Variants in UNC5B observed in about 807,000 individuals in gnomAD.
The protein encoded by UNC5B is netrin receptor UNC5B.
Under a neutral mutation model 103.7 loss-of-function variants are expected in UNC5B, and 56 were observed. The observed-to-expected ratio is 0.54, with a 90% CI of 0.44 to 0.67. The LOEUF is 0.67. Among genes scored for constraint, UNC5B ranks in the 30% least tolerant of loss-of-function variants. The pLI, the probability that UNC5B is intolerant of heterozygous loss-of-function variation, is 0.00. For synonymous variants in UNC5B, 577 were observed against 542.0 expected, an observed-to-expected ratio of 1.06 and a Z score of -0.90; for missense variants, 1,194 against 1,284.5, an observed-to-expected ratio of 0.93 and a Z score of 1.08.
Position 71,291,755 on chromosome 10 carries a change from G to A in UNC5B, c.1618G>A (p.Asp540Asn). The A allele has an allele frequency of 6.2e-7, 1 of 1,610,278 alleles. No individual in the cohort carries two copies. The part of the protein sequence containing the change: ...GSQQLLGLPR[D>N]PGSSVSGTFG... Reference sequence around the variant, plus strand: ...CCAGCAGCTCTTGGGCCTGCCCCGAGACCCAGGGAGCAGCGTCAGCGGCAC... The same window carrying A: ...CCAGCAGCTCTTGGGCCTGCCCCGAAACCCAGGGAGCAGCGTCAGCGGCAC... Residue 540 changes from aspartate (D) to asparagine (N), a missense_variant, in exon 10 of 17, where the codon GAC becomes AAC. Coordinates refer to ENST00000335350, the MANE Select transcript of UNC5B (RefSeq NM_170744.5).
chr10:71,302,201 C>G lies in UNC5B; in HGVS notation c.*2924C>G, dbSNP rs1336900992. ...CCGAGGGCATGTACCTGGTGGGAAGCAGCTCAGGTACCCTTGGGGGTTGCA... is the reference window on the plus strand; with the variant it reads ...CCGAGGGCATGTACCTGGTGGGAAGGAGCTCAGGTACCCTTGGGGGTTGCA... On this transcript the variant is annotated 3_prime_UTR_variant, in exon 17 of 17. Coordinates refer to ENST00000335350, the MANE Select transcript of UNC5B (RefSeq NM_170744.5). The G allele has an allele frequency of 6.6e-6, 1 of 152,266 alleles. No individual in the cohort carries two copies. Among genetic ancestry groups the G allele is most frequent in the Non-Finnish European group, 1.5e-5 (1 of 68,086 alleles). 9.4% of individuals were successfully genotyped at this position (152,266 alleles called of 1,614,324 possible).
At chr10:71,259,338 G>A (rs866358143) in intron 1 of UNC5B, among the ~76,000 whole-genome samples, 1 of 147,818 alleles carries the variant, frequency 6.8e-6, no homozygotes, top group Non-Finnish European at 1.5e-5. Flanking sequence ...GTAGTGAGCC[G>A]ATATGCCACT....
chr10:71,223,935 G>T (rs1020142827), intron 1 of UNC5B, among the ~76,000 whole-genome samples: 1 of 152,210 alleles, frequency 6.6e-6, no homozygotes, highest in Non-Finnish European at 1.5e-5. Context: ...GCTGGGCTTG[G>T]TGCAGGAGAG....
At chr10:71,269,368 C>T (rs553516569) in intron 1 of UNC5B, among the ~76,000 whole-genome samples, 16 of 120,368 alleles carry the variant, frequency 1.3e-4, no homozygotes, top group African/African-American at 3.6e-4. Context: ...TTCTCCTTTC[C>T]TGGGAGTCTG....
Position 71,285,403 on chromosome 10 carries a change from C to T in UNC5B, c.526C>T (p.Pro176Ser), listed in dbSNP as rs1845047763. ...CCATGAGGTTCTCCTGCAGTGCCGCCCGCCGGAGGGGGTGCCTGTGGCCGA... is the reference window on the plus strand; with the variant it reads ...CCATGAGGTTCTCCTGCAGTGCCGCTCGCCGGAGGGGGTGCCTGTGGCCGA... The part of the protein sequence containing the change: ...LDHEVLLQCR[P>S]PEGVPVAEVE... Residue 176 changes from proline (P) to serine (S), a missense_variant, in exon 4 of 17, where the codon CCG becomes TCG. By Grantham distance (74) the Pro-to-Ser change is moderately conservative. Coordinates refer to ENST00000335350, the MANE Select transcript of UNC5B (RefSeq NM_170744.5). The T allele has an allele frequency of 1.9e-6, 3 of 1,605,648 alleles. No individual in the cohort carries two copies. Among genetic ancestry groups the T allele is most frequent in the Non-Finnish European group, 2.5e-6 (3 of 1,177,118 alleles).
At chr10:71,238,685 C>T (rs1451301575) in intron 1 of UNC5B, among the ~76,000 whole-genome samples, 1 of 152,110 alleles carries the variant, frequency 6.6e-6, no homozygotes, top group Non-Finnish European at 1.5e-5. Flanking sequence ...GAACTCCTGA[C>T]CTCAGGTGAT....
In UNC5B at chr10:71,302,618, G is replaced by C. The variant is rs1337636669; in HGVS notation, c.*3341G>C. ...TCCCCAGCTCCTAGGCAGCTGAGCC[G>C]GGTCCCTTAGGGGAGGTGACCAGGA... is the stretch of plus-strand genomic sequence containing the variant. On this transcript the variant is annotated 3_prime_UTR_variant, in exon 17 of 17. Coordinates refer to ENST00000335350, the MANE Select transcript of UNC5B (RefSeq NM_170744.5). 2 of 152,034 alleles carry C rather than the reference G, an allele frequency of 1.3e-5. No homozygotes were observed. The highest frequency in any genetic ancestry group is 4.8e-5 in the African/African-American group (2 of 41,388). The allele number at this position is 152,034 out of a possible 1,614,324, so 9.4% of individuals were successfully genotyped here. A position where few individuals can be genotyped will look rare whatever the true frequency, so the allele number is the denominator to read the frequency against.
intron 13 of UNC5B, 74 bp from the exon 14 acceptor site, chr10:71,295,737 C>T (rs1845390584): frequency 6.4e-7 from 1 of 1,554,072 alleles, no homozygotes; most frequent in Admixed American, 1.9e-5. Context: ...TGCCCCCTGC[C>T]CCGCACAGTG....
rs117418233 is a variant in UNC5B at position 71,266,602 on chromosome 10, C to A, written c.80-13219C>A. ...TTCCCTCCTTCTAGCTTGCATCAGC[C>A]TTTTGCAGCTCTGTGTCATCACAGA... is the stretch of plus-strand genomic sequence containing the variant. On this transcript the variant is annotated intron_variant, in intron 1 of 16. Coordinates refer to ENST00000335350, the MANE Select transcript of UNC5B (RefSeq NM_170744.5). 6.1e-3 allele frequency among the ~76,000 whole-genome samples: 936 copies of A among 152,328 alleles called. 4 individuals are homozygous for A. The highest frequency in any genetic ancestry group is 0.014 in the Middle Eastern group (4 of 294).
chr10:71,294,026 G>A (rs1448550039), intron 13 of UNC5B, 93 bp downstream of exon 13: 2 of 1,182,580 alleles, frequency 1.7e-6, no homozygotes, highest in African/African-American at 3.1e-5. Flanking sequence ...GGTCCTCCCA[G>A]GAACCCCTCC....
At chr10:71,260,008 C>G (rs544599403) in intron 1 of UNC5B, among the ~76,000 whole-genome samples, 1 of 152,162 alleles carries the variant, frequency 6.6e-6, no homozygotes, top group Non-Finnish European at 1.5e-5. Flanking sequence ...AGGGGACAAA[C>G]AAGCCAACTG....
intron 1 of UNC5B, among the ~76,000 whole-genome samples, chr10:71,268,824 T>C (rs1480159834): frequency 6.6e-6 from 1 of 152,178 alleles, no homozygotes; most frequent in African/African-American, 2.4e-5. Flanking sequence ...CCAAGGCATT[T>C]TGGACTTTTC....
intron 1 of UNC5B, among the ~76,000 whole-genome samples, chr10:71,237,817 AG>A (rs778155868): frequency 6.6e-5 from 10 of 152,194 alleles, no homozygotes; most frequent in Non-Finnish European, 1.2e-4. Context: ...GCTCACCTTA[AG>A]GCAAGTGGAA....
chr10:71,291,880 C>T (rs1212299818), intron 10 of UNC5B, 59 bp downstream of exon 10: 1 of 1,518,102 alleles, frequency 6.6e-7, no homozygotes, highest in Non-Finnish European at 8.8e-7. Context: ...TGTGGACTGC[C>T]CCAACACCCA....
At chr10:71,266,231 C>A (rs989229808) in intron 1 of UNC5B, among the ~76,000 whole-genome samples, 5 of 152,078 alleles carry the variant, frequency 3.3e-5, no homozygotes, top group Non-Finnish European at 7.4e-5. Flanking sequence ...GTTCCCCCAG[C>A]AAATGGGGGC....
chr10:71,285,744 G>A (rs1328697335), intron 4 of UNC5B, among the ~76,000 whole-genome samples: 1 of 152,068 alleles, frequency 6.6e-6, no homozygotes, highest in Non-Finnish European at 1.5e-5. Context: ...AGAACCCAAG[G>A]CCCCAGCTTT....
chr10:71,223,057 G>A (rs1843482644), intron 1 of UNC5B, among the ~76,000 whole-genome samples: 2 of 152,232 alleles, frequency 1.3e-5, no homozygotes, highest in Non-Finnish European at 1.5e-5. Context: ...ATGGGAGTCT[G>A]TCGGATGGGG....
At chr10:71,218,712 T>C (rs1024138336) in intron 1 of UNC5B, among the ~76,000 whole-genome samples, 5 of 152,206 alleles carry the variant, frequency 3.3e-5, no homozygotes, top group African/African-American at 1.2e-4. Flanking sequence ...AACTCCCAGC[T>C]TCCCCAGAGC....
chr10:71,292,641 C>A, intron 11 of UNC5B, 87 bp downstream of exon 11: 1 of 1,177,160 alleles, frequency 8.5e-7, no homozygotes, highest in Non-Finnish European at 1.2e-6. Flanking sequence ...AAGCCTGATG[C>A]CAAGACCAAA....
Sources: gnomAD v4.1 joint callset for allele counts (sites outside exome capture counted in the v4.1 genomes callset) on GRCh38, gnomAD v4.1.1 for gene constraint, MANE v1.5 for transcripts, NCBI Gene and HGNC (gene_info 2026-07-23, HGNC 2026-07-21) for gene names.